Variants in P2RX5 observed in about 807,000 individuals in gnomAD.
The protein encoded by P2RX5 is purinergic receptor P2X 5.
P2RX5 carries 46 observed loss-of-function variants against 54.1 expected under a neutral mutation model. The ratio of observed to expected loss-of-function variants is 0.85; its 90% CI spans 0.67 to 1.09. The LOEUF is 1.09. Ranked by LOEUF, P2RX5 falls within the 50% of genes least tolerant of loss-of-function variation. The pLI, the probability that P2RX5 is intolerant of heterozygous loss-of-function variation, is 0.00. For missense variants in P2RX5, 566 were observed against 549.8 expected (o/e 1.03, Z -0.29); for synonymous variants, 226 against 226.4 (o/e 1.00, Z 0.02).
chr17:3,720,130 T>C, the P2RX5 span, among the ~76,000 whole-genome samples: 2 of 152,172 alleles, frequency 1.3e-5, no homozygotes, highest in African/African-American at 4.8e-5. Context: ...GGCCTCTTAA[T>C]TGCCTTATTT....
chr17:3,678,299 C>G lies in P2RX5; in HGVS notation c.1259+1291G>C, dbSNP rs550586018. On this transcript the variant is annotated intron_variant, in intron 11 of 11. Transcript: ENST00000225328. ...AGGGTTCCTGCGGAAGCCCAGCACGCATAGATGCTCAGGCAGAAGCCTCTG... is the reference window on the plus strand; with the variant it reads ...AGGGTTCCTGCGGAAGCCCAGCACGGATAGATGCTCAGGCAGAAGCCTCTG... Among the ~76,000 whole-genome samples, 12 of 152,376 alleles carry G rather than the reference C, an allele frequency of 7.9e-5. No individual in the cohort carries two copies. The South Asian group carries it at 2.5e-3, about 32-fold the overall frequency.
At chr17:3,681,757 C>T in intron 10 of P2RX5, 139 bp downstream of exon 10, 1 of 708,870 alleles carries the variant, frequency 1.4e-6, no homozygotes, top group Non-Finnish European at 2.6e-6. Flanking sequence ...AGCATGTACT[C>T]AGAACACTTC....
chr17:3,704,954 G>A, the P2RX5 span, among the ~76,000 whole-genome samples: 3 of 152,240 alleles, frequency 2.0e-5, no homozygotes, highest in African/African-American at 2.4e-5. Context: ...TGCGGTGAGC[G>A]GAGATCATGC....
At chr17:3,691,099 C>T in intron 2 of P2RX5, 72 bp from the exon 3 acceptor site, 1 of 1,150,720 alleles carries the variant, frequency 8.7e-7, no homozygotes, top group African/African-American at 1.5e-5. Flanking sequence ...CCAGCGTTAC[C>T]TGAAAGAGGG....
chr17:3,691,072 GGGAC>G, intron 2 of P2RX5, 45 bp from the exon 3 acceptor site: 1 of 1,410,690 alleles, frequency 7.1e-7, no homozygotes, highest in Non-Finnish European at 1.0e-6. Flanking sequence ...CTGCCCCTTA[GGGAC>G]CACCCCACCT....
chr17:3,698,190 C>G (rs2050792649), upstream of P2RX5, among the ~76,000 whole-genome samples: 1 of 152,118 alleles, frequency 6.6e-6, no homozygotes, highest in African/African-American at 2.4e-5. Flanking sequence ...CTCACTAAAG[C>G]AGCCGCCACC....
the P2RX5 span, among the ~76,000 whole-genome samples, chr17:3,711,031 T>C: frequency 1.3e-5 from 2 of 152,206 alleles, no homozygotes; most frequent in Non-Finnish European, 2.9e-5. Context: ...AGTGGCCCTA[T>C]GGCATGACTC....
At chr17:3,707,164 G>C in the P2RX5 span, among the ~76,000 whole-genome samples, 1 of 152,068 alleles carries the variant, frequency 6.6e-6, no homozygotes, top group African/African-American at 2.4e-5. Context: ...TTGGGAAAAC[G>C]GGGCAAAACA....
At chr17:3,678,794 G>GC (rs1204105214) in intron 11 of P2RX5, among the ~76,000 whole-genome samples, 1 of 152,220 alleles carries the variant, frequency 6.6e-6, no homozygotes, top group East Asian at 1.9e-4. Context: ...GAGGTGTCCA[G>GC]CCCCCACTGG....
chr17:3,711,208 T>C, the P2RX5 span, among the ~76,000 whole-genome samples: 1 of 152,026 alleles, frequency 6.6e-6, no homozygotes, highest in East Asian at 1.9e-4. Flanking sequence ...GGATAGTGAG[T>C]GCAGATTCGA....
chr17:3,705,678 G>C, the P2RX5 span, among the ~76,000 whole-genome samples: 1 of 152,200 alleles, frequency 6.6e-6, no homozygotes, highest in Non-Finnish European at 1.5e-5. Context: ...GAGGCTTGTA[G>C]AATGATGAAC....
At chr17:3,699,095 C>CACACACACACATATATA (rs60173844), upstream of P2RX5, among the ~76,000 whole-genome samples, 4 of 100,256 alleles carry the variant, frequency 4.0e-5, no homozygotes, top group African/African-American at 1.7e-4. Flanking sequence ...ACACACACAC[C>CACACACACACATATATA]TATATATATA....
chr17:3,693,210 T>C (rs969941438), intron 1 of P2RX5, among the ~76,000 whole-genome samples: 1 of 150,794 alleles, frequency 6.6e-6, no homozygotes, highest in Non-Finnish European at 1.5e-5. Context: ...CATTGGTCAT[T>C]AGGGAAATAC....
chr17:3,715,294 T>C, the P2RX5 span, among the ~76,000 whole-genome samples: 1 of 152,140 alleles, frequency 6.6e-6, no homozygotes, highest in African/African-American at 2.4e-5. Context: ...CAGAAGGAGA[T>C]CAAGTACAGC....
At chr17:3,673,931 C>A (rs1234558436) in intron 11 of P2RX5, 54 bp from the exon 12 acceptor site, 3 of 1,519,950 alleles carry the variant, frequency 2.0e-6, no homozygotes, top group Non-Finnish European at 2.7e-6. Flanking sequence ...CTCATCTTCC[C>A]AGTGAGGCAA....
upstream of P2RX5, among the ~76,000 whole-genome samples, chr17:3,697,877 T>A (rs2050788149): frequency 6.6e-6 from 1 of 152,124 alleles, no homozygotes; most frequent in African/African-American, 2.4e-5. Context: ...TTAGAGCACC[T>A]GTCACTATCC....
the P2RX5 span, chr17:3,723,507 C>A: frequency 2.0e-6 from 2 of 977,290 alleles, no homozygotes; most frequent in South Asian, 2.8e-5. Flanking sequence ...TTTCAGCGCT[C>A]ACCTCGGCCC....
chr17:3,713,287 A>C, the P2RX5 span, among the ~76,000 whole-genome samples: 1 of 151,580 alleles, frequency 6.6e-6, no homozygotes, highest in Non-Finnish European at 1.5e-5. Flanking sequence ...TTGAACCCAA[A>C]AGTTCAAGGC....
chr17:3,679,766 G>T lies in P2RX5; in HGVS notation c.1083C>A (p.Ser361=), dbSNP rs1297174796. 1.2e-6 allele frequency: 2 copies of T among 1,611,042 alleles called. No homozygotes were observed. The highest frequency in any genetic ancestry group is 2.2e-5 in the East Asian group (1 of 44,882). Residue 361 remains serine, a synonymous_variant, in exon 11 of 12, where the codon TCC becomes TCA. Coordinates refer to ENST00000225328, the MANE Select transcript of P2RX5 (RefSeq NM_002561.4). Reference sequence around the variant, plus strand: ...CCGATGCCTCGTCCTCGGCCTCCTGGGAACTGTCTTCTAGGCCCCTGGACA... The same window carrying T: ...CCGATGCCTCGTCCTCGGCCTCCTGTGAACTGTCTTCTAGGCCCCTGGACA... ...YEEVRGLEDS[S]QEAEDEASGL... is the part of the protein sequence containing the mutation.
Sources: gnomAD v4.1 joint callset for allele counts (sites outside exome capture counted in the v4.1 genomes callset) on GRCh38, gnomAD v4.1.1 for gene constraint, MANE v1.5 for transcripts, NCBI Gene and HGNC (gene_info 2026-07-23, HGNC 2026-07-21) for gene names.